The following ARHGEF40 variants were observed in gnomAD, a reference collection of about 807,000 sequenced individuals.
The protein encoded by ARHGEF40 is Rho guanine nucleotide exchange factor 40.
ARHGEF40 carries 98 observed loss-of-function variants against 165.9 expected under a neutral mutation model. That is an observed-to-expected ratio of 0.59 (90% confidence interval 0.50 to 0.70). The LOEUF is 0.70. Ranked by LOEUF, ARHGEF40 falls within the 30% of genes least tolerant of loss-of-function variation. The probability of loss-of-function intolerance (pLI) is 0.00; values close to 1 mark genes in which losing one functional copy is unlikely to be tolerated. For missense variants in ARHGEF40, 1,815 were observed against 1,968.0 expected, an observed-to-expected ratio of 0.92 and a Z score of 1.47; for synonymous variants, 792 against 814.3, an observed-to-expected ratio of 0.97 and a Z score of 0.47.
At position 21,073,439 on chromosome 14, in the gene ARHGEF40, A is replaced by AAC. The variant is rs35990507; in HGVS notation, c.201+217_201+218dup. 0.28 allele frequency among the ~76,000 whole-genome samples: 42,395 copies of AAC among 149,962 alleles called. 6,298 individuals are homozygous for AAC. The highest frequency in any genetic ancestry group is 0.4 in the Admixed American group (6,075 of 15,066). ...CACAGGCACTGACCATTCAGATGCT[A>AAC]ACACACACACACACACACACATTCA... On this transcript the variant is annotated intron_variant, in intron 2 of 23. Coordinates refer to ENST00000298694, the MANE Select transcript of ARHGEF40 (RefSeq NM_018071.5). The surrounding 1 kb of genome is among the most constrained non-coding windows in gnomAD (Gnocchi z 4.6).
intron 8 of ARHGEF40, among the ~76,000 whole-genome samples, chr14:21,077,705 A>G (rs1349474681): frequency 6.6e-6 from 1 of 152,216 alleles, no homozygotes; most frequent in African/African-American, 2.4e-5. Context: ...ATGTAATTCT[A>G]TGAATATAAG....
At chr14:21,087,487 C>T (rs763412613) in intron 21 of ARHGEF40, 24 bp downstream of exon 21, 7 of 1,597,706 alleles carry the variant, frequency 4.4e-6, no homozygotes, top group Non-Finnish European at 5.1e-6. Flanking sequence ...CAAGGGGTGG[C>T]TCCCAACAGC....
rs1343225398 is a variant in ARHGEF40, at chr14:21,085,727, C to T, written c.3999C>T (p.Ser1333=). The T allele has an allele frequency of 2.5e-6, 4 of 1,614,024 alleles. No homozygotes were observed. Among genetic ancestry groups the T allele is most frequent in the African/African-American group, 1.3e-5 (1 of 74,934 alleles). ...GGCTGACAGAAAACATCGGGGACAG[C>T]GGACTCTGCTTTGAGTTGTGGTTTC... ...DMGLTENIGD[S]GLCFELWFRR... The change falls in exon 19 of 24, where the codon AGC becomes AGT. Residue 1333 remains serine, a synonymous_variant. Coordinates refer to ENST00000298694, the MANE Select transcript of ARHGEF40 (RefSeq NM_018071.5).
At chr14:21,083,042 T>G in intron 16 of ARHGEF40, 125 bp downstream of exon 16, 156 of 808,188 alleles carry the variant, frequency 1.9e-4, no homozygotes, top group Non-Finnish European at 2.7e-4. Flanking sequence ...AATCATCTCC[T>G]AGAATTGCCG....
In ARHGEF40 at chr14:21,081,179, A is replaced by G. The variant is rs1182293765; in HGVS notation, c.2640+163A>G. ...CCTCCTTGCTGAATGGCATGGGGCA[A>G]GATACTAAACCTGACTGTGCCTCCA... On this transcript the variant is annotated intron_variant, in intron 13 of 23. Transcript: ENST00000298694. 4.3e-6 allele frequency: 5 copies of G among 1,170,652 alleles called. No individual in the cohort carries two copies. In the African/African-American group the frequency reaches 7.7e-5, roughly 18 times the overall value. The allele number at this position is 1,170,652 out of a possible 1,614,324, so 72.5% of individuals were successfully genotyped here. A position where few individuals can be genotyped will look rare whatever the true frequency, so the allele number is the denominator to read the frequency against.
Position 21,078,958 on chromosome 14 carries a change from A to G in ARHGEF40, c.2321A>G (p.Asn774Ser), listed in dbSNP as rs1887654495. The G allele has an allele frequency of 1.2e-6, 2 of 1,614,132 alleles. No homozygotes were observed. Among genetic ancestry groups the G allele is most frequent in the Non-Finnish European group, 1.7e-6 (2 of 1,179,984 alleles). ...ATTCACCAGCTTGTGCGCCTCTCCA[A>G]CCTGCACGTGCAGCAGCAAGAGCAG... ...EAIHQLVRLS[N>S]LHVQQQEQRQ... is the part of the protein sequence containing the mutation. Residue 774 changes from asparagine (N) to serine (S), a missense_variant, in exon 11 of 24, where the codon AAC (asparagine) becomes AGC (serine). Physicochemically the swap from Asn to Ser is conservative, Grantham distance 46. Transcript: ENST00000298694.
chr14:21,082,562 C>T (rs1888010381), intron 15 of ARHGEF40, 84 bp downstream of exon 15: 21 of 1,387,072 alleles, frequency 1.5e-5, no homozygotes, highest in East Asian at 2.5e-5. Flanking sequence ...TCAGTACCCA[C>T]GGCCCTCTCC....
At chr14:21,068,505 G>A (rs1886409322), upstream of ARHGEF40, among the ~76,000 whole-genome samples, 1 of 152,170 alleles carries the variant, frequency 6.6e-6, no homozygotes, top group Non-Finnish European at 1.5e-5. Context: ...GAAAGGTTCA[G>A]ACACTCTCAA....
Position 21,088,109 on chromosome 14 carries a change from A to C in ARHGEF40, c.4518+11A>C, listed in dbSNP as rs1406737425. The C allele has an allele frequency of 6.2e-7, 1 of 1,601,734 alleles. No individual in the cohort carries two copies. Among genetic ancestry groups the C allele is most frequent in the South Asian group, 1.1e-5 (1 of 89,584 alleles). On this transcript the variant is annotated intron_variant, in intron 22 of 23. Transcript: ENST00000298694. Reference sequence around the variant, plus strand: ...GGGCTATCCCGACAGGTAAGTTCCTACAACGAGGCTGGGAACAATGTGATC... The same window carrying C: ...GGGCTATCCCGACAGGTAAGTTCCTCCAACGAGGCTGGGAACAATGTGATC...
intron 8 of ARHGEF40, among the ~76,000 whole-genome samples, 160 bp downstream of exon 8, chr14:21,077,050 G>A (rs973045079): frequency 6.6e-6 from 1 of 152,160 alleles, no homozygotes; most frequent in Non-Finnish European, 1.5e-5. Context: ...CAAATCATGA[G>A]GAAAACATGT....
Position 21,072,465 on chromosome 14 carries a change from C to T in ARHGEF40, c.4-580C>T, listed in dbSNP as rs539824895. Among the ~76,000 whole-genome samples the T allele has an allele frequency of 2.0e-5, 3 of 152,198 alleles. No homozygotes were observed. In the South Asian group the frequency reaches 6.2e-4, roughly 31 times the overall value. On this transcript the variant is annotated intron_variant, in intron 1 of 23. Transcript: ENST00000298694. The surrounding 1 kb of genome is among the most constrained non-coding windows in gnomAD (Gnocchi z 4.1). ...GGATGCTAGAAAGACCCAAGACAGT[C>T]ACAGACAGTCTTTCCATCCTCCTCT... is the stretch of plus-strand genomic sequence containing the variant.
upstream of ARHGEF40, among the ~76,000 whole-genome samples, chr14:21,066,383 G>A (rs35981069): frequency 0.83 from 124,142 of 149,942 alleles, 51,637 homozygotes; most frequent in Admixed American, 0.88. Flanking sequence ...GCAGTGGCAC[G>A]ATCTCGGCTC....
intron 11 of ARHGEF40, 64 bp from the exon 12 acceptor site, chr14:21,080,596 G>A: frequency 6.5e-7 from 1 of 1,540,832 alleles, no homozygotes. Flanking sequence ...GCTGATGCTG[G>A]ATCTCAGCCC....
rs774290099 is a variant in ARHGEF40 at position 21,074,268 on chromosome 14, G to A, written c.538G>A (p.Glu180Lys). ...TGGGATTCAGCGGCTGCCCTGGGCT[G>A]AGCTCATCTGTCCACGATTTGTGCA... ...PSGIQRLPWA[E>K]LICPRFVHKE... Residue 180 changes from glutamate (E) to lysine (K), a missense_variant, in exon 3 of 24, where the codon GAG (glutamate) becomes AAG (lysine). Transcript: ENST00000298694. The surrounding 1 kb of genome is among the most constrained non-coding windows in gnomAD (Gnocchi z 4.8). 1.2e-6 allele frequency: 2 copies of A among 1,614,134 alleles called. No individual in the cohort carries two copies. The highest frequency in any genetic ancestry group is 4.5e-5 in the East Asian group (2 of 44,876).
At chr14:21,086,170 G>C in intron 19 of ARHGEF40, 1 of 331,210 alleles carries the variant, frequency 3.0e-6, no homozygotes, top group Non-Finnish European at 5.8e-6. Context: ...TTGAGGCCAG[G>C]TGTTCAAGAC....
At chr14:21,067,846 C>CACTT (rs111536061), upstream of ARHGEF40, among the ~76,000 whole-genome samples, 3,012 of 152,146 alleles carry the variant, frequency 0.02, 96 homozygotes, top group African/African-American at 0.068. Context: ...AACCACATGT[C>CACTT]ACTTACTTAC....
Position 21,082,029 on chromosome 14 carries a change from C to T in ARHGEF40, c.3161C>T (p.Pro1054Leu), listed in dbSNP as rs1237466889. The change falls in exon 14 of 24, where the codon CCA becomes CTA. Residue 1054 changes from proline to leucine, a missense_variant. By Grantham distance (98) the Pro-to-Leu change is moderately conservative. Coordinates refer to ENST00000298694, the MANE Select transcript of ARHGEF40 (RefSeq NM_018071.5). ...GAGGTGGTAGACAGGACGTGCTCAC[C>T]ACGGGAACACGTGCTGCTGGGCCGG... ...STEVVDRTCS[P>L]REHVLLGRAR... 4 of 1,566,204 alleles carry T rather than the reference C, an allele frequency of 2.6e-6. No individual in the cohort carries two copies. In the African/African-American group the frequency reaches 5.4e-5, roughly 21 times the overall value.
rs753935139 is a variant in ARHGEF40, at chr14:21,074,212, G to A, written c.482G>A (p.Arg161His). Residue 161 changes from arginine (R) to histidine (H), a missense_variant, in exon 3 of 24, where the codon CGC (arginine) becomes CAC (histidine). Coordinates refer to ENST00000298694, the MANE Select transcript of ARHGEF40 (RefSeq NM_018071.5). The surrounding 1 kb of genome is among the most constrained non-coding windows in gnomAD (Gnocchi z 4.8). Reference protein sequence around the residue: ...QGINKDRPTGRLSTCLLSAPS... With the variant: ...QGINKDRPTGHLSTCLLSAPS... ...ATCAACAAGGACCGGCCAACAGGTCGCCTCAGTACCTGCCTACTGTCTGCG... is the reference window on the plus strand; with the variant it reads ...ATCAACAAGGACCGGCCAACAGGTCACCTCAGTACCTGCCTACTGTCTGCG... 1.3e-5 allele frequency: 21 copies of A among 1,613,986 alleles called. No homozygotes were observed. Among genetic ancestry groups the A allele is most frequent in the African/African-American group, 4.0e-5 (3 of 74,922 alleles).
In ARHGEF40 at chr14:21,075,319, T is replaced by A; in HGVS notation, c.1451-13T>A. Reference sequence around the variant, plus strand: ...TTAACTTCAGTCCCATGTTTCTGTCTGTGTCTGTGCAGGACACACAGGCCC... The same window carrying A: ...TTAACTTCAGTCCCATGTTTCTGTCAGTGTCTGTGCAGGACACACAGGCCC... On this transcript the variant is annotated splice_polypyrimidine_tract_variant and intron_variant, in intron 3 of 23. Coordinates refer to ENST00000298694, the MANE Select transcript of ARHGEF40 (RefSeq NM_018071.5). The surrounding 1 kb of genome is among the most constrained non-coding windows in gnomAD (Gnocchi z 4.5). The A allele has an allele frequency of 6.2e-7, 1 of 1,613,616 alleles. No homozygotes were observed.
Sources: allele counts gnomAD v4.1 joint callset (sites outside exome capture counted in the v4.1 genomes callset), GRCh38; gene constraint gnomAD v4.1.1; non-coding constraint Gnocchi (gnomAD v3.1); transcripts MANE v1.5; gene names NCBI Gene and HGNC (gene_info 2026-07-23, HGNC 2026-07-21).